The following CFAP46 variants were observed in gnomAD, a reference collection of about 807,000 sequenced individuals.
CFAP46 encodes the protein cilia and flagella associated protein 46, also known as cilia- and flagella-associated protein 46.
A neutral mutation model predicts 325.7 loss-of-function variants in CFAP46; 245 were observed. The ratio of observed to expected loss-of-function variants is 0.75; its 90% CI spans 0.68 to 0.84. The LOEUF (loss-of-function observed/expected upper bound fraction) is 0.84, where lower values mean the gene tolerates loss of function less well. Ranked by LOEUF, CFAP46 falls within the 40% of genes least tolerant of loss-of-function variation. CFAP46 has a pLI of 0.00. For missense variants in CFAP46, 3,346 were observed against 3,543.0 expected (o/e 0.94, Z 1.41); for synonymous variants, 1,523 against 1,495.9 (o/e 1.02, Z -0.42).
chr10:132,939,820 C>A lies in CFAP46; in HGVS notation c.372-1067G>T, dbSNP rs1416050275. The stretch of plus-strand genomic sequence containing the variant: ...TCTCCTCCCTGTAAGTGGCTCTCCC[C>A]AAATTCCCACTGTGGCCTCCACATG... On this transcript the variant is annotated intron_variant, in intron 4 of 57. Coordinates refer to ENST00000368586, the MANE Select transcript of CFAP46 (RefSeq NM_001200049.3). The surrounding 1 kb of genome is among the most constrained non-coding windows in gnomAD (Gnocchi z 4.6). 2.0e-5 allele frequency among the ~76,000 whole-genome samples: 3 copies of A among 152,146 alleles called. No homozygotes were observed. The highest frequency in any genetic ancestry group is 4.4e-5 in the Non-Finnish European group (3 of 68,038).
intron 9 of CFAP46, among the ~76,000 whole-genome samples, chr10:132,928,537 C>T (rs1307789501): frequency 6.6e-6 from 1 of 152,226 alleles, no homozygotes; most frequent in Non-Finnish European, 1.5e-5. Flanking sequence ...CAGATCAGCA[C>T]AGCCCTCAGC....
chr10:132,911,328 CTG>C (rs1279639381), intron 19 of CFAP46, among the ~76,000 whole-genome samples: 6 of 152,256 alleles, frequency 3.9e-5, no homozygotes, highest in Non-Finnish European at 8.8e-5. Context: ...GCGCAGCTGA[CTG>C]TGAGCGTTGT....
Position 132,869,330 on chromosome 10 carries a change from G to A in CFAP46, c.4554C>T (p.Ala1518=), listed in dbSNP as rs756593915. The A allele has an allele frequency of 7.8e-6, 12 of 1,538,826 alleles. No homozygotes were observed. Among genetic ancestry groups the A allele is most frequent in the Middle Eastern group, 1.7e-4 (1 of 5,720 alleles). Residue 1518 remains alanine, a synonymous_variant, in exon 33 of 58, where the codon GCC becomes GCT. Coordinates refer to ENST00000368586, the MANE Select transcript of CFAP46 (RefSeq NM_001200049.3). The surrounding 1 kb of genome is among the most constrained non-coding windows in gnomAD (Gnocchi z 6.2). Reference sequence around the variant, plus strand: ...GCCCGACCGCCTCTTCATGGCGCGCGGCTGCTTCTCTCAGCTTCAGCTCGG... The same window carrying A: ...GCCCGACCGCCTCTTCATGGCGCGCAGCTGCTTCTCTCAGCTTCAGCTCGG... ...ACSELKLREA[A]ARHEEAVGQV...
At chr10:132,863,017 G>A (rs1848745821) in intron 35 of CFAP46, among the ~76,000 whole-genome samples, 1 of 152,186 alleles carries the variant, frequency 6.6e-6, no homozygotes, top group Non-Finnish European at 1.5e-5. Context: ...CGCCTGCTGT[G>A]AAACAAAGTC....
At chr10:132,924,634 C>A in intron 11 of CFAP46, 62 bp downstream of exon 11, 1 of 1,376,216 alleles carries the variant, frequency 7.3e-7, no homozygotes, top group Non-Finnish European at 9.4e-7. Context: ...ACCTTCTCCT[C>A]CTCTGTCTCC....
intron 55 of CFAP46, among the ~76,000 whole-genome samples, chr10:132,812,383 C>G (rs112986386): frequency 6.6e-6 from 1 of 152,162 alleles, no homozygotes; most frequent in East Asian, 1.9e-4. Context: ...GGCGAGGTCC[C>G]GAGTGCCCAC....
At chr10:132,921,407 C>A (rs1849720596) in intron 13 of CFAP46, among the ~76,000 whole-genome samples, 1 of 152,226 alleles carries the variant, frequency 6.6e-6, no homozygotes, top group Admixed American at 6.5e-5. Flanking sequence ...AACACACCTG[C>A]CGAACCCTGG....
At chr10:132,882,666 C>G (rs534871073) in intron 27 of CFAP46, among the ~76,000 whole-genome samples, 265 of 151,976 alleles carry the variant, frequency 1.7e-3, no homozygotes, top group African/African-American at 5.4e-3. Context: ...TAGCTCAGGA[C>G]GTGCAGTGAG....
Position 132,869,513 on chromosome 10 carries a change from G to A in CFAP46, c.4512-141C>T, listed in dbSNP as rs1848866559. ...ATGGTATTTTCAATCATTTTTAAAG[G>A]TAAGCGAAATTACTAGGGAAAAGTG... On this transcript the variant is annotated intron_variant, in intron 32 of 57. Transcript: ENST00000368586. This position sits in a 1 kb window ranked among gnomAD's most constrained non-coding sequence, Gnocchi z 6.2. 3.5e-6 allele frequency: 2 copies of A among 566,300 alleles called. No homozygotes were observed. The highest frequency in any genetic ancestry group is 6.8e-5 in the East Asian group (2 of 29,506). 35.1% of individuals were successfully genotyped at this position (566,300 alleles called of 1,614,324 possible).
At chr10:132,898,804 ACC>A in intron 24 of CFAP46, 153 bp downstream of exon 24, 1 of 1,012,308 alleles carries the variant, frequency 9.9e-7, no homozygotes, top group East Asian at 2.6e-5. Context: ...GGACTTGGAG[ACC>A]CCCCTTAACC....
rs1036049960 is a variant in CFAP46, at chr10:132,886,094, G to A, written c.3305-135C>T. On this transcript the variant is annotated intron_variant, in intron 25 of 57. Transcript: ENST00000368586. This position sits in a 1 kb window ranked among gnomAD's most constrained non-coding sequence, Gnocchi z 5.8. ...CGGCTACAGAGGTGCCCAGGCCAGC[G>A]CATGCCCCGCAGGGCTGAAGTGAGC... The A allele has an allele frequency of 1.1e-4, 140 of 1,221,256 alleles. No homozygotes were observed. The highest frequency in any genetic ancestry group is 1.5e-4 in the South Asian group (10 of 67,468). The allele number at this position is 1,221,256 out of a possible 1,614,324, so 75.7% of individuals were successfully genotyped here.
intron 24 of CFAP46, chr10:132,898,702 T>C (rs926670972): frequency 8.8e-6 from 5 of 567,656 alleles, no homozygotes; most frequent in South Asian, 1.9e-5. Flanking sequence ...CGCTGCTGTG[T>C]GTCTCCAGGG....
chr10:132,814,342 GAAT>G, intron 53 of CFAP46, 88 bp from the exon 54 acceptor site: 1 of 1,161,932 alleles, frequency 8.6e-7, no homozygotes, highest in Non-Finnish European at 1.3e-6. Context: ...GGGTCACAGC[GAAT>G]GCAGGCGCAT....
In CFAP46 at chr10:132,847,321, C is replaced by G. The variant is rs776653892; in HGVS notation, c.5953G>C (p.Val1985Leu). 2 of 1,613,430 alleles carry G rather than the reference C, an allele frequency of 1.2e-6. No individual in the cohort carries two copies. The highest frequency in any genetic ancestry group is 1.7e-6 in the Non-Finnish European group (2 of 1,179,858). Residue 1985 changes from valine to leucine, a missense_variant and splice_region_variant, in exon 42 of 58, where the codon GTG becomes CTG. Transcript: ENST00000368586. The surrounding 1 kb of genome is among the most constrained non-coding windows in gnomAD (Gnocchi z 5.2). ...PTCYWEAGPS[V>L]GAKLSGLKSL... ...TTGAGGCCGCTCAGCTTGGCGCCCA[C>G]CTGTGACACACATTGCAGGTTGGCA...
At position 132,859,730 on chromosome 10, in the gene CFAP46, G is replaced by A. The variant is rs141096427; in HGVS notation, c.5199-483C>T. Among the ~76,000 whole-genome samples, 198 of 152,318 alleles carry A rather than the reference G, an allele frequency of 1.3e-3. No individual in the cohort carries two copies. The East Asian group carries it at 0.033, about 26-fold the overall frequency. On this transcript the variant is annotated intron_variant, in intron 37 of 57. Transcript: ENST00000368586. ...ATGCAGGGAGCTCCACAAAGATGAA[G>A]CAGAACACAAGGAAAGCCTGAGTCA...
chr10:132,826,654 C>T (rs1291769285), intron 50 of CFAP46, among the ~76,000 whole-genome samples: 3 of 130,448 alleles, frequency 2.3e-5, no homozygotes, highest in South Asian at 3.0e-4. Context: ...AGACCAGCCA[C>T]GGAGCCAGGG....
chr10:132,938,214 C>T (rs1388425159), intron 5 of CFAP46, among the ~76,000 whole-genome samples: 11 of 152,240 alleles, frequency 7.2e-5, no homozygotes, highest in Non-Finnish European at 1.6e-4. Context: ...GCTGCCTGGG[C>T]TCCGCATGTG....
intron 50 of CFAP46, among the ~76,000 whole-genome samples, chr10:132,823,026 CTG>C (rs1344612570): frequency 1.9e-5 from 2 of 107,650 alleles, no homozygotes; most frequent in African/African-American, 3.7e-5. Context: ...GTGCTGTGTG[CTG>C]TGTGTGCGCT....
intron 22 of CFAP46, among the ~76,000 whole-genome samples, chr10:132,901,134 A>G (rs1383473235): frequency 6.6e-6 from 1 of 152,184 alleles, no homozygotes; most frequent in African/African-American, 2.4e-5. Flanking sequence ...TACGTAGTTT[A>G]TCATTGGGTC....
Sources: gnomAD v4.1 joint callset for allele counts (sites outside exome capture counted in the v4.1 genomes callset) on GRCh38, gnomAD v4.1.1 for gene constraint, Gnocchi (gnomAD v3.1) non-coding constraint, MANE v1.5 for transcripts, NCBI Gene and HGNC (gene_info 2026-07-23, HGNC 2026-07-21) for gene names.